The following LRRC4C variants were observed in gnomAD, a reference collection of about 807,000 sequenced individuals.
LRRC4C encodes leucine-rich repeat-containing protein 4C.
Under a neutral mutation model 33.6 loss-of-function variants are expected in LRRC4C, and 5 were observed. The observed-to-expected ratio is 0.15, with a 90% CI of 0.08 to 0.31. The LOEUF (loss-of-function observed/expected upper bound fraction) is 0.31, where lower values mean the gene tolerates loss of function less well. LRRC4C is among the 10% of genes least tolerant of loss of function. The pLI is 1.00. For missense variants in LRRC4C, 560 were observed against 796.7 expected (o/e 0.70, Z 3.58); for synonymous variants, 329 against 302.0 (o/e 1.09, Z -0.93).
intron 3 of LRRC4C, among the ~76,000 whole-genome samples, chr11:40,632,398 A>G (rs1056900814): frequency 6.6e-6 from 1 of 152,206 alleles, no homozygotes; most frequent in African/African-American, 2.4e-5. Context: ...GCTGGGGTCA[A>G]GAAGGAAGTA....
At chr11:40,730,780 AG>A (rs1397448125) in intron 2 of LRRC4C, among the ~76,000 whole-genome samples, 4 of 152,190 alleles carry the variant, frequency 2.6e-5, no homozygotes, top group African/African-American at 9.7e-5. Flanking sequence ...CTTCATTCTG[AG>A]TGCCTTCATT....
At chr11:41,083,901 G>A (rs1939764826) in intron 1 of LRRC4C, among the ~76,000 whole-genome samples, 3 of 152,190 alleles carry the variant, frequency 2.0e-5, no homozygotes, top group Admixed American at 1.3e-4. Flanking sequence ...GAATATGTAA[G>A]ACTTCAAGGT....
chr11:41,314,485 C>T (rs1950729481), intron 1 of LRRC4C, among the ~76,000 whole-genome samples: 1 of 152,164 alleles, frequency 6.6e-6, no homozygotes, highest in East Asian at 1.9e-4. Flanking sequence ...CTTTTTGGTA[C>T]TGTTATAAAA....
At chr11:40,796,541 C>G (rs1950833280) in intron 2 of LRRC4C, among the ~76,000 whole-genome samples, 1 of 151,134 alleles carries the variant, frequency 6.6e-6, no homozygotes, top group Admixed American at 6.6e-5. Flanking sequence ...GTGCAAAGGA[C>G]CAGGGTGTCT....
At chr11:40,501,394 C>T (rs115975386) in intron 3 of LRRC4C, among the ~76,000 whole-genome samples, 9,863 of 152,252 alleles carry the variant, frequency 0.065, 843 homozygotes, top group African/African-American at 0.2. Context: ...CCCTTCCGCA[C>T]TGCCCTAGCA....
At chr11:41,282,132 T>C (rs1394726995) in intron 1 of LRRC4C, among the ~76,000 whole-genome samples, 2 of 152,198 alleles carry the variant, frequency 1.3e-5, no homozygotes, top group African/African-American at 4.8e-5. Flanking sequence ...TTGTGAAATG[T>C]AAGGGGATTG....
chr11:41,441,377 G>C lies in LRRC4C; in HGVS notation c.-496+18054C>G, dbSNP rs1955613527. Among the ~76,000 whole-genome samples the C allele has an allele frequency of 2.0e-5, 3 of 152,028 alleles. No homozygotes were observed. The South Asian group carries it at 6.2e-4, about 32-fold the overall frequency. The stretch of plus-strand genomic sequence containing the variant: ...CAGGGTGGCTGAGATAGGAACAATA[G>C]GGACTTCCTCTGGATATGAGGCATA... On this transcript the variant is annotated intron_variant, in intron 1 of 6. Coordinates refer to ENST00000528697, the MANE Select transcript of LRRC4C (RefSeq NM_001258419.2).
At chr11:41,279,731 G>A (rs1949604743) in intron 1 of LRRC4C, among the ~76,000 whole-genome samples, 1 of 152,074 alleles carries the variant, frequency 6.6e-6, no homozygotes, top group African/African-American at 2.4e-5. Flanking sequence ...TCCATGCATT[G>A]ATGTCCAACT....
intron 1 of LRRC4C, among the ~76,000 whole-genome samples, chr11:41,069,599 C>G (rs1441974635): frequency 6.6e-6 from 1 of 152,096 alleles, no homozygotes; most frequent in East Asian, 1.9e-4. Context: ...GTGCAAAAAT[C>G]ACAAGCATTC....
intron 2 of LRRC4C, among the ~76,000 whole-genome samples, chr11:40,907,679 T>C (rs1203323597): frequency 6.6e-6 from 1 of 152,178 alleles, no homozygotes; most frequent in African/African-American, 2.4e-5. Flanking sequence ...GCTTGTTCCT[T>C]GTATCCTGAG....
chr11:40,987,524 C>A, intron 1 of LRRC4C, among the ~76,000 whole-genome samples: 1 of 150,694 alleles, frequency 6.6e-6, no homozygotes, highest in East Asian at 1.9e-4. Flanking sequence ...TTTAATTTCC[C>A]CCAGGGGTTT....
intron 3 of LRRC4C, among the ~76,000 whole-genome samples, chr11:40,608,422 C>T (rs538474992): frequency 4.0e-5 from 6 of 151,638 alleles, no homozygotes; most frequent in Admixed American, 2.6e-4. Context: ...AAGCCTGTCA[C>T]TACAAAAAAG....
At chr11:40,644,286 T>C (rs1942306614) in intron 3 of LRRC4C, among the ~76,000 whole-genome samples, 3 of 152,200 alleles carry the variant, frequency 2.0e-5, no homozygotes, top group African/African-American at 7.2e-5. Flanking sequence ...TCTTTTGTTC[T>C]GTAAAAGGAT....
chr11:40,803,712 G>T (rs1392959350), intron 2 of LRRC4C, among the ~76,000 whole-genome samples: 1 of 151,958 alleles, frequency 6.6e-6, no homozygotes, highest in African/African-American at 2.4e-5. Flanking sequence ...TGACCTCGTG[G>T]TCCACCCGCC....
intron 3 of LRRC4C, among the ~76,000 whole-genome samples, chr11:40,427,349 C>A (rs879361279): frequency 6.6e-5 from 10 of 151,628 alleles, no homozygotes; most frequent in Non-Finnish European, 1.5e-4. Flanking sequence ...ACTAAAAATA[C>A]AAAAAAATTT....
At chr11:40,960,839 G>T (rs567322532) in intron 1 of LRRC4C, among the ~76,000 whole-genome samples, 5 of 151,828 alleles carry the variant, frequency 3.3e-5, no homozygotes, top group African/African-American at 1.2e-4. Flanking sequence ...ATTAAAAACT[G>T]CTTCAGCAAG....
chr11:40,132,593 T>C (rs367615215), intron 6 of LRRC4C, among the ~76,000 whole-genome samples: 2 of 152,354 alleles, frequency 1.3e-5, no homozygotes, highest in Non-Finnish European at 1.5e-5. Context: ...AATGCATTGA[T>C]GTTTATCTCT....
chr11:40,611,390 TA>T, intron 3 of LRRC4C, among the ~76,000 whole-genome samples: 1 of 151,894 alleles, frequency 6.6e-6, no homozygotes, highest in East Asian at 1.9e-4. Context: ...CACTTAAATG[TA>T]AGCCCTGAAG....
intron 1 of LRRC4C, among the ~76,000 whole-genome samples, chr11:41,293,585 AT>A (rs1476157998): frequency 1.3e-5 from 2 of 151,482 alleles, no homozygotes. Context: ...TTTTTATTTT[AT>A]TTTTATTTTT....
Sources: allele counts gnomAD v4.1 joint callset (sites outside exome capture counted in the v4.1 genomes callset), GRCh38; gene constraint gnomAD v4.1.1; transcripts MANE v1.5; gene names NCBI Gene and HGNC (gene_info 2026-07-23, HGNC 2026-07-21).